SLC4A5: variants seen among roughly 807,000 people sequenced by gnomAD.
SLC4A5 encodes the protein electrogenic sodium bicarbonate cotransporter 4.
Under a neutral mutation model 120.4 loss-of-function variants are expected in SLC4A5, and 96 were observed. The ratio of observed to expected loss-of-function variants is 0.80; its 90% CI spans 0.68 to 0.94. The LOEUF is 0.94. Among genes scored for constraint, SLC4A5 ranks in the 40% least tolerant of loss-of-function variants. The pLI is 0.00. For synonymous variants in SLC4A5, 550 were observed against 571.1 expected, an observed-to-expected ratio of 0.96 and a Z score of 0.53; for missense variants, 1,259 against 1,459.5, an observed-to-expected ratio of 0.86 and a Z score of 2.24.
intron 7 of SLC4A5, among the ~76,000 whole-genome samples, chr2:74,291,121 C>A (rs2104201075): frequency 6.6e-6 from 1 of 152,316 alleles, no homozygotes; most frequent in Middle Eastern, 3.4e-3. Context: ...TCCTCCCCAA[C>A]TTTAAACCCA....
At chr2:74,257,578 T>TGTTGTTTTGA (rs1319070520) in intron 12 of SLC4A5, among the ~76,000 whole-genome samples, 1 of 151,946 alleles carries the variant, frequency 6.6e-6, no homozygotes, top group African/African-American at 2.4e-5. Flanking sequence ...TTGTTTTTGT[T>TGTTGTTTTGA]GTTGTTTTGA....
intron 6 of SLC4A5, chr2:74,306,693 T>G (rs779254721): frequency 3.1e-5 from 32 of 1,040,766 alleles, no homozygotes; most frequent in Non-Finnish European, 4.1e-5. Flanking sequence ...ATTGGCCTCC[T>G]GCTCCCCAAA....
At chr2:74,224,749 C>T in intron 28 of SLC4A5, 91 bp downstream of exon 28, 1 of 1,529,338 alleles carries the variant, frequency 6.5e-7, no homozygotes, top group Non-Finnish European at 8.8e-7. Flanking sequence ...CTGCAGGCCA[C>T]CCAAGAAGCC....
chr2:74,330,848 A>AT (rs1490144644), intron 4 of SLC4A5, among the ~76,000 whole-genome samples: 2 of 24,648 alleles, frequency 8.1e-5, no homozygotes, highest in Admixed American at 5.4e-4. Context: ...TGTATGGTGT[A>AT]GGTGTAGGTG....
chr2:74,305,379 T>G (rs892933428), intron 6 of SLC4A5, among the ~76,000 whole-genome samples: 1 of 152,114 alleles, frequency 6.6e-6, no homozygotes. Context: ...TAGGACAGTT[T>G]AAGATTTACA....
chr2:74,221,390 A>T, intron 30 of SLC4A5, 44 bp downstream of exon 30: 6 of 1,445,362 alleles, frequency 4.2e-6, no homozygotes, highest in Non-Finnish European at 5.8e-6. Flanking sequence ...GCCATTTCCT[A>T]GTCTCTTACC....
chr2:74,266,570 C>T (rs1432953983), intron 8 of SLC4A5, among the ~76,000 whole-genome samples: 12 of 152,076 alleles, frequency 7.9e-5, no homozygotes, highest in Non-Finnish European at 2.9e-5. Flanking sequence ...CGCCCAGTCA[C>T]GGAATTAGGA....
chr2:74,240,546 TTCTC>T (rs942683540), intron 20 of SLC4A5, among the ~76,000 whole-genome samples: 21 of 152,218 alleles, frequency 1.4e-4, no homozygotes, highest in Non-Finnish European at 8.8e-5. Flanking sequence ...ATTCTGTTCT[TTCTC>T]TCTCAAAATT....
At chr2:74,303,428 A>G (rs185616896) in intron 7 of SLC4A5, among the ~76,000 whole-genome samples, 28 of 152,258 alleles carry the variant, frequency 1.8e-4, no homozygotes, top group Non-Finnish European at 1.9e-4. Flanking sequence ...CAAGACAGTG[A>G]GCTATATATA....
chr2:74,256,423 G>A (rs1433056873), intron 12 of SLC4A5, among the ~76,000 whole-genome samples: 1 of 152,184 alleles, frequency 6.6e-6, no homozygotes, highest in African/African-American at 2.4e-5. Flanking sequence ...CCAGCTTCCT[G>A]GCTCACAGGA....
intron 5 of SLC4A5, among the ~76,000 whole-genome samples, chr2:74,327,392 G>C (rs1232342582): frequency 6.6e-6 from 1 of 152,166 alleles, no homozygotes; most frequent in East Asian, 1.9e-4. Flanking sequence ...GAACTGAATC[G>C]ACAAGAATGA....
intron 27 of SLC4A5, 142 bp downstream of exon 27, chr2:74,226,815 C>G: frequency 1.1e-6 from 1 of 939,730 alleles, no homozygotes; most frequent in Non-Finnish European, 1.6e-6. Context: ...TCAGGTCATT[C>G]TGTGCCAGCC....
intron 25 of SLC4A5, among the ~76,000 whole-genome samples, 186 bp downstream of exon 25, chr2:74,231,050 G>A (rs773000187): frequency 1.3e-5 from 2 of 151,982 alleles, no homozygotes; most frequent in South Asian, 2.1e-4. Flanking sequence ...CAGGTGATCC[G>A]CCTGCCTCGG....
At chr2:74,300,173 A>G (rs1259287636) in intron 7 of SLC4A5, among the ~76,000 whole-genome samples, 1 of 152,230 alleles carries the variant, frequency 6.6e-6, no homozygotes, top group African/African-American at 2.4e-5. Context: ...AACTCATAGA[A>G]ACAGAGGGCA....
intron 5 of SLC4A5, among the ~76,000 whole-genome samples, chr2:74,316,862 C>G (rs1474181697): frequency 1.3e-5 from 2 of 152,212 alleles, no homozygotes; most frequent in Non-Finnish European, 2.9e-5. Context: ...GATCATGAAC[C>G]ATGGACTGGT....
At chr2:74,290,271 G>A (rs925474332) in intron 7 of SLC4A5, 1 of 985,476 alleles carries the variant, frequency 1.0e-6, no homozygotes, top group Non-Finnish European at 1.2e-6. Flanking sequence ...TGAGCGCTGG[G>A]GTCCCTGGCT....
At position 74,250,334 on chromosome 2, in the gene SLC4A5, C is replaced by G; in HGVS notation, c.1653+9G>C. 6.2e-7 allele frequency: 1 copy of G among 1,613,418 alleles called. No individual in the cohort carries two copies. Among genetic ancestry groups the G allele is most frequent in the Non-Finnish European group, 8.5e-7 (1 of 1,179,670 alleles). On this transcript the variant is annotated intron_variant, in intron 17 of 30. Coordinates refer to ENST00000394019, the Ensembl canonical transcript of SLC4A5. Reference sequence around the variant, plus strand: ...TACTTTTACACTCAGGGCACCGGCTCGCACACACCTGATAATTGTCGGTGG... The same window carrying G: ...TACTTTTACACTCAGGGCACCGGCTGGCACACACCTGATAATTGTCGGTGG...
chr2:74,275,016 A>T (rs1022443153), intron 8 of SLC4A5, among the ~76,000 whole-genome samples: 2 of 152,154 alleles, frequency 1.3e-5, no homozygotes, highest in East Asian at 3.8e-4. Context: ...AATGAACCCC[A>T]CTTCCTCCCA....
chr2:74,271,840 G>A (rs1335897459), intron 8 of SLC4A5, among the ~76,000 whole-genome samples: 1 of 152,022 alleles, frequency 6.6e-6, no homozygotes, highest in African/African-American at 2.4e-5. Context: ...GCTCACACTT[G>A]TAATCCCAGC....
Sources: allele counts gnomAD v4.1 joint callset (sites outside exome capture counted in the v4.1 genomes callset), GRCh38; gene constraint gnomAD v4.1.1; transcripts MANE v1.5; gene names NCBI Gene and HGNC (gene_info 2026-07-23, HGNC 2026-07-21).